The following ABLIM2 variants were observed in gnomAD, a reference collection of about 807,000 sequenced individuals.
ABLIM2 encodes actin-binding LIM protein 2.
Under a neutral mutation model 97.7 loss-of-function variants are expected in ABLIM2, and 53 were observed. The observed-to-expected ratio is 0.54, with a 90% CI of 0.44 to 0.68. The LOEUF is 0.68. Ranked by LOEUF, ABLIM2 falls within the 30% of genes least tolerant of loss-of-function variation. ABLIM2 has a pLI of 0.00. For missense variants in ABLIM2, 835 were observed against 867.2 expected (o/e 0.96, Z 0.47); for synonymous variants, 361 against 345.8 (o/e 1.04, Z -0.49).
rs1037572415 is a variant in ABLIM2, at chr4:8,021,808, G to A, written c.1268-1505C>T. On this transcript the variant is annotated intron_variant, in intron 12 of 20. Transcript: ENST00000447017. This position sits in a 1 kb window ranked among gnomAD's most constrained non-coding sequence, Gnocchi z 5.5. The stretch of plus-strand genomic sequence containing the variant: ...TGAGCATTTTCTCGTGCTTGGGCAT[G>A]GGTGCTGATTTTGCCTGTCAATGCT... Among the ~76,000 whole-genome samples, 3 of 152,234 alleles carry A rather than the reference G, an allele frequency of 2.0e-5. No homozygotes were observed. Among genetic ancestry groups the A allele is most frequent in the East Asian group, 1.9e-4 (1 of 5,190 alleles).
At chr4:8,000,857 C>T (rs997533228) in intron 16 of ABLIM2, among the ~76,000 whole-genome samples, 7 of 152,170 alleles carry the variant, frequency 4.6e-5, no homozygotes, top group Non-Finnish European at 1.0e-4. Context: ...GATCCAGGGC[C>T]CTGAGCCTGT....
intron 9 of ABLIM2, among the ~76,000 whole-genome samples, chr4:8,037,487 C>G (rs1396245530): frequency 2.0e-5 from 3 of 152,110 alleles, no homozygotes; most frequent in African/African-American, 7.2e-5. Context: ...CATGCCCACA[C>G]CCACACACTG....
At chr4:8,056,305 C>CTTTTTTTT (rs71175456) in intron 7 of ABLIM2, among the ~76,000 whole-genome samples, 5 of 128,194 alleles carry the variant, frequency 3.9e-5, no homozygotes, top group African/African-American at 5.8e-5. Context: ...TTCTTTCTTT[C>CTTTTTTTT]TTTTTTTTTT....
chr4:8,001,260 A>T lies in ABLIM2; in HGVS notation c.1618+6799T>A, dbSNP rs998788123. On this transcript the variant is annotated intron_variant, in intron 16 of 20. Coordinates refer to ENST00000447017, the MANE Select transcript of ABLIM2 (RefSeq NM_001130083.2). The surrounding 1 kb of genome is among the most constrained non-coding windows in gnomAD (Gnocchi z 4.2). ...CAGAGGAGGCCCTGGGGCTGTGGCTATGAGACAACATGAGCTCTCAGAGGG... is the reference window on the plus strand; with the variant it reads ...CAGAGGAGGCCCTGGGGCTGTGGCTTTGAGACAACATGAGCTCTCAGAGGG... Among the ~76,000 whole-genome samples the T allele has an allele frequency of 6.6e-6, 1 of 152,170 alleles. No individual in the cohort carries two copies. Among genetic ancestry groups the T allele is most frequent in the Non-Finnish European group, 1.5e-5 (1 of 68,014 alleles).
At chr4:8,091,822 T>C (rs1179798231) in intron 3 of ABLIM2, among the ~76,000 whole-genome samples, 4 of 98,704 alleles carry the variant, frequency 4.1e-5, no homozygotes, top group African/African-American at 1.7e-4. Flanking sequence ...TTATATAATA[T>C]ATTATATAAA....
Position 7,983,330 on chromosome 4 carries a change from G to T in ABLIM2, c.1758C>A (p.Asp586Glu), listed in dbSNP as rs1316734177. Residue 586 changes from aspartate to glutamate, a missense_variant, in exon 20 of 21, where the codon GAC becomes GAA. Transcript: ENST00000447017. ...GMREYKIYPY[D>E]SLIVTNRIRV... Reference sequence around the variant, plus strand: ...GAATTCGGTTTGTGACGATGAGGGAGTCATACGGATAGATCTGTTGGGGGA... The same window carrying T: ...GAATTCGGTTTGTGACGATGAGGGATTCATACGGATAGATCTGTTGGGGGA... 1 of 1,612,078 alleles carries T rather than the reference G, an allele frequency of 6.2e-7. No homozygotes were observed. Among genetic ancestry groups the T allele is most frequent in the African/African-American group, 1.3e-5 (1 of 74,892 alleles).
chr4:8,119,045 G>A (rs1844061238), intron 1 of ABLIM2, among the ~76,000 whole-genome samples: 1 of 152,164 alleles, frequency 6.6e-6, no homozygotes, highest in Admixed American at 6.5e-5. Flanking sequence ...CAAGCCTCTG[G>A]CTTTGTCTAC....
chr4:8,063,439 C>T (rs1804777198), intron 6 of ABLIM2, among the ~76,000 whole-genome samples: 1 of 152,254 alleles, frequency 6.6e-6, no homozygotes, highest in Non-Finnish European at 1.5e-5. Flanking sequence ...CAGCTCGGGC[C>T]AAGAAGCCTG....
intron 14 of ABLIM2, among the ~76,000 whole-genome samples, chr4:8,014,656 G>A (rs1398760448): frequency 6.6e-6 from 1 of 152,230 alleles, no homozygotes; most frequent in Non-Finnish European, 1.5e-5. Context: ...CCAGCACTGG[G>A]ACAAGCCTAG....
chr4:8,064,330 G>T (rs1805584355), intron 6 of ABLIM2, among the ~76,000 whole-genome samples: 1 of 152,328 alleles, frequency 6.6e-6, no homozygotes, highest in South Asian at 2.1e-4. Flanking sequence ...GAGGGGAGCA[G>T]ACCGTGAAGG....
intron 6 of ABLIM2, among the ~76,000 whole-genome samples, chr4:8,077,058 G>A (rs1378121404): frequency 6.6e-6 from 1 of 151,718 alleles, no homozygotes; most frequent in Non-Finnish European, 1.5e-5. Context: ...GGGGGTTGGG[G>A]GTCTGTGAAT....
At position 7,999,716 on chromosome 4, in the gene ABLIM2, G is replaced by A. The variant is rs1189852478; in HGVS notation, c.1619-6789C>T. Among the ~76,000 whole-genome samples, 5 of 152,148 alleles carry A rather than the reference G, an allele frequency of 3.3e-5. No homozygotes were observed. The East Asian group carries it at 5.8e-4, about 18-fold the overall frequency. ...GCAGGTAGGGGGCCAGGAGCATGGC[G>A]GCAACTGGGTAGTCCTGATGCCAGT... On this transcript the variant is annotated intron_variant, in intron 16 of 20. Coordinates refer to ENST00000447017, the MANE Select transcript of ABLIM2 (RefSeq NM_001130083.2). The surrounding 1 kb of genome is among the most constrained non-coding windows in gnomAD (Gnocchi z 4.4).
intron 3 of ABLIM2, among the ~76,000 whole-genome samples, chr4:8,091,387 T>C (rs1171431997): frequency 4.5e-5 from 3 of 66,512 alleles, no homozygotes; most frequent in Admixed American, 2.8e-4. Flanking sequence ...AATTATATTA[T>C]ATATAATTAT....
chr4:8,143,607 T>C (rs574070692), intron 1 of ABLIM2, among the ~76,000 whole-genome samples: 1 of 152,236 alleles, frequency 6.6e-6, no homozygotes, highest in African/African-American at 2.4e-5. Flanking sequence ...CCTGCCAGGA[T>C]TTCTCTCTCA....
rs140252229 is a variant in ABLIM2, at chr4:8,082,648, G to A, written c.455-1846C>T. Among the ~76,000 whole-genome samples the A allele has an allele frequency of 3.0e-4, 45 of 152,364 alleles. No homozygotes were observed. The highest frequency in any genetic ancestry group is 1.1e-3 in the African/African-American group (45 of 41,590). On this transcript the variant is annotated intron_variant, in intron 4 of 20. Transcript: ENST00000447017. This position sits in a 1 kb window ranked among gnomAD's most constrained non-coding sequence, Gnocchi z 5.6. The stretch of plus-strand genomic sequence containing the variant: ...CATGCTACTTTGGAAAACAGCCAGA[G>A]AGCAGATTCAAACTCTGAGGGAAAG...
intron 16 of ABLIM2, among the ~76,000 whole-genome samples, chr4:8,000,771 G>A (rs1184712514): frequency 6.6e-6 from 1 of 152,110 alleles, no homozygotes; most frequent in Non-Finnish European, 1.5e-5. Flanking sequence ...CCTGGGAACG[G>A]GAGGCACCAG....
intron 2 of ABLIM2, among the ~76,000 whole-genome samples, chr4:8,105,474 C>T (rs1311104525): frequency 2.0e-5 from 3 of 152,220 alleles, no homozygotes; most frequent in Non-Finnish European, 2.9e-5. Context: ...GAATGCAGCC[C>T]GCAGCCATTG....
At chr4:8,084,384 C>T (rs1015941560) in intron 4 of ABLIM2, among the ~76,000 whole-genome samples, 6 of 152,112 alleles carry the variant, frequency 3.9e-5, no homozygotes, top group Admixed American at 6.5e-5. Context: ...GGTTTAACCC[C>T]GGCCTCACCT....
rs529520246 is a variant in ABLIM2 at position 8,071,726 on chromosome 4, G to A, written c.675+5902C>T. The A allele has an allele frequency of 1.6e-4, 156 of 957,880 alleles. 1 individual carries two copies. The African/African-American group carries it at 1.9e-3, about 12-fold the overall frequency. The allele number at this position is 957,880 out of a possible 1,614,324, so 59.3% of individuals were successfully genotyped here. A position where few individuals can be genotyped will look rare whatever the true frequency, so the allele number is the denominator to read the frequency against. On this transcript the variant is annotated intron_variant, in intron 6 of 20. Transcript: ENST00000447017. This position sits in a 1 kb window ranked among gnomAD's most constrained non-coding sequence, Gnocchi z 6.2. ...ACCCGCAGCCCCTCCTGGCCCCTGT[G>A]AGCCCCCATCAGCCCCTTGGAGTTG...
Sources: allele counts gnomAD v4.1 joint callset (sites outside exome capture counted in the v4.1 genomes callset), GRCh38; gene constraint gnomAD v4.1.1; non-coding constraint Gnocchi (gnomAD v3.1); transcripts MANE v1.5; gene names NCBI Gene and HGNC (gene_info 2026-07-23, HGNC 2026-07-21).